Variants in CHLSN observed in about 807,000 individuals in gnomAD.
CHLSN encodes cholesin.
At chr7:999,277 T>C in the CHLSN span, among the ~76,000 whole-genome samples, 1 of 151,992 alleles carries the variant, frequency 6.6e-6, no homozygotes, top group Non-Finnish European at 1.5e-5. Context: ...TAAGAAGAGG[T>C]TTCCTCCACA....
chr7:989,714 A>G, the CHLSN span: 1 of 164,330 alleles, frequency 6.1e-6, no homozygotes. Context: ...TGGGAGGCAG[A>G]GGTTGCAGTG....
chr7:1,111,138 T>G, the CHLSN span, among the ~76,000 whole-genome samples: 1 of 152,262 alleles, frequency 6.6e-6, no homozygotes, highest in Non-Finnish European at 1.5e-5. Flanking sequence ...CTTTGCAGTC[T>G]GCCTGTCTAA....
At chr7:1,087,448 A>G in the CHLSN span, among the ~76,000 whole-genome samples, 1 of 152,254 alleles carries the variant, frequency 6.6e-6, no homozygotes, top group African/African-American at 2.4e-5. Context: ...TTTCATACAC[A>G]CCTTATACAC....
At chr7:1,092,253 G>A in the CHLSN span, 1 of 1,612,318 alleles carries the variant, frequency 6.2e-7, no homozygotes, top group Middle Eastern at 1.6e-4. Flanking sequence ...ACCACGCCCG[G>A]CTGAGCTGTG....
the CHLSN span, among the ~76,000 whole-genome samples, chr7:1,119,870 T>A: frequency 2.7e-5 from 3 of 110,926 alleles, no homozygotes; most frequent in African/African-American, 1.2e-4. Flanking sequence ...AGAGCGAAAC[T>A]CCGTCAAAAA....
the CHLSN span, chr7:984,566 G>A: frequency 2.2e-5 from 34 of 1,561,594 alleles, no homozygotes; most frequent in African/African-American, 8.1e-5. Flanking sequence ...CTCATCCAGC[G>A]AGGTGGAGGT....
chr7:1,000,608 G>A, the CHLSN span: 1 of 1,420,098 alleles, frequency 7.0e-7, no homozygotes, highest in African/African-American at 1.4e-5. Context: ...CCGGGCAGCT[G>A]TCTGCCCTGA....
chr7:1,106,184 G>A, the CHLSN span, among the ~76,000 whole-genome samples: 1 of 152,140 alleles, frequency 6.6e-6, no homozygotes, highest in African/African-American at 2.4e-5. Flanking sequence ...CTGCCCGGCC[G>A]AGCACTCAGC....
At chr7:984,488 C>T in the CHLSN span, 22 of 1,552,284 alleles carry the variant, frequency 1.4e-5, no homozygotes, top group Non-Finnish European at 1.7e-5. Context: ...GGGTTCGAGG[C>T]GGTCAAAGAG....
At chr7:994,735 G>C in the CHLSN span, among the ~76,000 whole-genome samples, 1 of 152,204 alleles carries the variant, frequency 6.6e-6, no homozygotes, top group African/African-American at 2.4e-5. Context: ...CGCCGCACCC[G>C]GCATGAGTTA....
the CHLSN span, among the ~76,000 whole-genome samples, chr7:1,008,859 A>G: frequency 6.7e-6 from 1 of 149,742 alleles, no homozygotes; most frequent in Non-Finnish European, 1.5e-5. Context: ...ACGTAAACAC[A>G]CGCACACACG....
At chr7:1,053,333 A>G in the CHLSN span, among the ~76,000 whole-genome samples, 1 of 152,218 alleles carries the variant, frequency 6.6e-6, no homozygotes, top group African/African-American at 2.4e-5. Context: ...TCCACAGTAG[A>G]GCCCAGAACC....
chr7:1,132,737 AG>A, the CHLSN span, among the ~76,000 whole-genome samples: 15,152 of 149,028 alleles, frequency 0.1, 1,366 homozygotes, highest in African/African-American at 0.24. Context: ...ATAGTATTGG[AG>A]AAAATACCTG....
chr7:1,076,433 G>C, the CHLSN span, among the ~76,000 whole-genome samples: 1 of 152,208 alleles, frequency 6.6e-6, no homozygotes, highest in African/African-American at 2.4e-5. Context: ...TCCCAGGCAT[G>C]GGCTCTGGGG....
At chr7:1,079,634 C>T in the CHLSN span, among the ~76,000 whole-genome samples, 5 of 152,294 alleles carry the variant, frequency 3.3e-5, no homozygotes, top group South Asian at 6.2e-4. Context: ...AGACGTGTGA[C>T]GGGAAGTGGC....
the CHLSN span, among the ~76,000 whole-genome samples, chr7:1,075,268 C>CT: frequency 6.6e-6 from 1 of 152,036 alleles, no homozygotes; most frequent in Non-Finnish European, 1.5e-5. Flanking sequence ...AATCTCAGCA[C>CT]TTAGGAAGGC....
chr7:987,351 G>T, the CHLSN span: 1 of 1,577,144 alleles, frequency 6.3e-7, no homozygotes. Context: ...CCCCAGGCCG[G>T]GTGCAGGAGG....
chr7:980,804 C>T, the CHLSN span, among the ~76,000 whole-genome samples: 2 of 151,536 alleles, frequency 1.3e-5, no homozygotes, highest in Non-Finnish European at 2.9e-5. Context: ...TCTCCTGCCT[C>T]AGCCTCCTGA....
chr7:1,066,549 G>A, the CHLSN span, among the ~76,000 whole-genome samples: 9 of 152,198 alleles, frequency 5.9e-5, no homozygotes, highest in African/African-American at 9.7e-5. Context: ...ACCTCAACGT[G>A]GAAAAAGCTG....
Sources: gnomAD v4.1 joint callset for allele counts (sites outside exome capture counted in the v4.1 genomes callset) on GRCh38, gnomAD v4.1.1 for gene constraint, MANE v1.5 for transcripts, NCBI Gene and HGNC (gene_info 2026-07-23, HGNC 2026-07-21) for gene names.